KPNA3: variants seen among roughly 807,000 people sequenced by gnomAD.
KPNA3 encodes importin subunit alpha-4.
Under a neutral mutation model 73.8 loss-of-function variants are expected in KPNA3, and 13 were observed. The ratio of observed to expected loss-of-function variants is 0.18; its 90% CI spans 0.11 to 0.28. The LOEUF is 0.28. Ranked by LOEUF, KPNA3 falls within the 10% of genes least tolerant of loss-of-function variation. The probability of loss-of-function intolerance (pLI) is 1.00; values close to 1 mark genes in which losing one functional copy is unlikely to be tolerated. For missense variants in KPNA3, 360 were observed against 618.1 expected, an observed-to-expected ratio of 0.58 and a Z score of 4.43; for synonymous variants, 186 against 206.9, an observed-to-expected ratio of 0.90 and a Z score of 0.87.
intron 1 of KPNA3, among the ~76,000 whole-genome samples, chr13:49,782,612 C>A (rs921138179): frequency 5.9e-5 from 9 of 152,102 alleles, no homozygotes; most frequent in African/African-American, 2.2e-4. Flanking sequence ...CGCGCGGTGG[C>A]TCATGCCTGT....
At position 49,706,124 on chromosome 13, in the gene KPNA3, A is replaced by G; in HGVS notation, c.1183T>C (p.Leu395=). 1 of 1,613,938 alleles carries G rather than the reference A, an allele frequency of 6.2e-7. No homozygotes were observed. Among genetic ancestry groups the G allele is most frequent in the Non-Finnish European group, 8.5e-7 (1 of 1,179,964 alleles). ...TGATCTTTTCTGCCACTTATTGTTAAGTTGCTGATTGCCCAAGCAGCTTCT... is the reference window on the plus strand; with the variant it reads ...TGATCTTTTCTGCCACTTATTGTTAGGTTGCTGATTGCCCAAGCAGCTTCT... ...QKEAAWAISN[L]TISGRKDQVE... is the part of the protein sequence containing the mutation. The change falls in exon 14 of 17, where the codon TTA becomes CTA. Residue 395 remains leucine, a synonymous_variant. Transcript: ENST00000261667.
chr13:49,718,358 G>A (rs960114881), intron 10 of KPNA3, among the ~76,000 whole-genome samples: 21 of 152,104 alleles, frequency 1.4e-4, no homozygotes, highest in African/African-American at 4.8e-4. Context: ...GGCTTTAAGT[G>A]GAATAATTTG....
intron 2 of KPNA3, among the ~76,000 whole-genome samples, chr13:49,744,097 G>A (rs1302149958): frequency 6.6e-6 from 1 of 152,082 alleles, no homozygotes; most frequent in Non-Finnish European, 1.5e-5. Context: ...AGGCCCTGGG[G>A]TATTCTCTTT....
intron 1 of KPNA3, among the ~76,000 whole-genome samples, chr13:49,770,863 A>T (rs1162808643): frequency 6.6e-6 from 1 of 151,550 alleles, no homozygotes; most frequent in East Asian, 1.9e-4. Flanking sequence ...GAAAAGAAAA[A>T]ACCCCCGAAA....
intron 1 of KPNA3, among the ~76,000 whole-genome samples, chr13:49,788,536 T>C (rs948318934): frequency 6.6e-6 from 1 of 151,948 alleles, no homozygotes; most frequent in African/African-American, 2.4e-5. Flanking sequence ...CTGGGCAACA[T>C]GGCAAAACCC....
In KPNA3 at chr13:49,701,830, G is replaced by T. The variant is rs768978870; in HGVS notation, c.1536C>A (p.Ala512=). The T allele has an allele frequency of 1.9e-5, 30 of 1,611,148 alleles. No individual in the cohort carries two copies. The South Asian group carries it at 2.7e-4, about 15-fold the overall frequency. Residue 512 remains alanine (A), a synonymous_variant, in exon 17 of 17, where the codon GCC becomes GCA. Coordinates refer to ENST00000261667, the MANE Select transcript of KPNA3 (RefSeq NM_002267.4). ...QGGTYNFDPT[A]NLQTKEFNF ...AATTAAATTCTTTTGTTTGAAGGTTGGCTGTTGGATCAAAATTGTAGGTAC... is the reference window on the plus strand; with the variant it reads ...AATTAAATTCTTTTGTTTGAAGGTTTGCTGTTGGATCAAAATTGTAGGTAC...
intron 2 of KPNA3, among the ~76,000 whole-genome samples, chr13:49,734,492 A>C (rs1303378784): frequency 6.6e-6 from 1 of 152,218 alleles, no homozygotes; most frequent in Non-Finnish European, 1.5e-5. Context: ...AAGAAAAACA[A>C]ATAAACTAAA....
At chr13:49,728,260 C>T (rs977931146) in intron 6 of KPNA3, among the ~76,000 whole-genome samples, 3 of 150,756 alleles carry the variant, frequency 2.0e-5, no homozygotes, top group Non-Finnish European at 3.0e-5. Flanking sequence ...AAGGACAAGT[C>T]GATGTTGAAG....
chr13:49,703,438 C>T (rs1954170391), intron 15 of KPNA3, among the ~76,000 whole-genome samples: 1 of 152,112 alleles, frequency 6.6e-6, no homozygotes, highest in Admixed American at 6.6e-5. Context: ...CCTTGGCCTC[C>T]CAAAGTGCTG....
intron 1 of KPNA3, among the ~76,000 whole-genome samples, chr13:49,761,758 G>C (rs553722599): frequency 6.1e-4 from 87 of 142,770 alleles, no homozygotes; most frequent in African/African-American, 2.1e-3. Flanking sequence ...AGTGAGGAGC[G>C]CCTCTTCCCG....
intron 1 of KPNA3, among the ~76,000 whole-genome samples, chr13:49,769,033 T>C (rs894426473): frequency 6.6e-6 from 1 of 152,216 alleles, no homozygotes; most frequent in Admixed American, 6.5e-5. Flanking sequence ...AAGATAGTTA[T>C]GTTTTAAGAA....
chr13:49,704,486 A>C (rs536827437), intron 15 of KPNA3, among the ~76,000 whole-genome samples: 5 of 149,382 alleles, frequency 3.3e-5, no homozygotes, highest in African/African-American at 1.2e-4. Context: ...AATAAATAGA[A>C]AGAAAGAAAT....
At chr13:49,738,118 G>C (rs752014822) in intron 2 of KPNA3, among the ~76,000 whole-genome samples, 4 of 152,112 alleles carry the variant, frequency 2.6e-5, no homozygotes, top group Non-Finnish European at 4.4e-5. Context: ...TTTTGAAAAA[G>C]CTGTCCTTCC....
chr13:49,783,503 A>C (rs892827381), intron 1 of KPNA3, among the ~76,000 whole-genome samples: 1 of 152,092 alleles, frequency 6.6e-6, no homozygotes, highest in African/African-American at 2.4e-5. Flanking sequence ...AGATGCTCAA[A>C]TCTCTTCTAT....
At chr13:49,744,483 A>C (rs924242562) in intron 2 of KPNA3, among the ~76,000 whole-genome samples, 3 of 152,240 alleles carry the variant, frequency 2.0e-5, no homozygotes, top group Non-Finnish European at 2.9e-5. Context: ...TAGACAAAAT[A>C]ATTCTATCAT....
chr13:49,733,850 G>A (rs948476427), intron 2 of KPNA3, among the ~76,000 whole-genome samples: 13 of 152,172 alleles, frequency 8.5e-5, no homozygotes, highest in African/African-American at 2.7e-4. Context: ...TCCCAGCCAA[G>A]TTACCTGAGA....
intron 2 of KPNA3, among the ~76,000 whole-genome samples, chr13:49,743,791 T>C (rs1416208181): frequency 1.3e-5 from 2 of 152,146 alleles, no homozygotes; most frequent in African/African-American, 2.4e-5. Flanking sequence ...AGGAGGCTTC[T>C]GAACTAATAC....
At chr13:49,736,067 A>G (rs1050589686) in intron 2 of KPNA3, among the ~76,000 whole-genome samples, 7 of 152,168 alleles carry the variant, frequency 4.6e-5, no homozygotes, top group African/African-American at 1.4e-4. Flanking sequence ...AGCTTGAAAT[A>G]AGTAATTAAA....
At chr13:49,702,360 T>C (rs766389174) in intron 16 of KPNA3, 26 bp downstream of exon 16, 2 of 1,131,752 alleles carry the variant, frequency 1.8e-6, no homozygotes, top group Non-Finnish European at 2.6e-6. Context: ...TACATGAAGA[T>C]ACACGCTATT....
Sources: gnomAD v4.1 joint callset for allele counts (sites outside exome capture counted in the v4.1 genomes callset) on GRCh38, gnomAD v4.1.1 for gene constraint, MANE v1.5 for transcripts, NCBI Gene and HGNC (gene_info 2026-07-23, HGNC 2026-07-21) for gene names.